SND1: variants seen among roughly 807,000 people sequenced by gnomAD.
SND1 encodes the protein staphylococcal nuclease domain-containing protein 1.
In SND1, 38 loss-of-function variants were observed where a neutral mutation model predicts 121.7. The ratio of observed to expected loss-of-function variants is 0.31; its 90% CI spans 0.24 to 0.41. SND1 has a LOEUF of 0.41. Ranked by LOEUF, SND1 falls within the 10% of genes least tolerant of loss-of-function variation. The pLI, the probability that SND1 is intolerant of heterozygous loss-of-function variation, is 1.00. For missense variants in SND1, 868 were observed against 1,184.6 expected (o/e 0.73, Z 3.92); for synonymous variants, 401 against 447.4 (o/e 0.90, Z 1.31).
At chr7:127,939,004 G>GA (rs1234818098) in intron 15 of SND1, among the ~76,000 whole-genome samples, 9 of 152,012 alleles carry the variant, frequency 5.9e-5, no homozygotes, top group African/African-American at 2.2e-4. Context: ...TTGACATGAA[G>GA]AAAAAAATAT....
At chr7:127,845,528 C>T (rs116125162) in intron 12 of SND1, among the ~76,000 whole-genome samples, 179 of 152,306 alleles carry the variant, frequency 1.2e-3, no homozygotes, top group African/African-American at 4.0e-3. Flanking sequence ...AAAACTAGGA[C>T]ATATTTTGGT....
chr7:127,903,440 G>T (rs1584654632), intron 13 of SND1, among the ~76,000 whole-genome samples: 1 of 152,022 alleles, frequency 6.6e-6, no homozygotes, highest in South Asian at 2.1e-4. Flanking sequence ...TGAGAGAGAG[G>T]GTATGATTTT....
At chr7:127,881,492 T>C (rs1046989770) in intron 12 of SND1, among the ~76,000 whole-genome samples, 4 of 152,172 alleles carry the variant, frequency 2.6e-5, no homozygotes, top group African/African-American at 9.7e-5. Flanking sequence ...AAGTTAGCTC[T>C]ACTTATGGGC....
intron 12 of SND1, among the ~76,000 whole-genome samples, chr7:127,886,809 C>T (rs1361856413): frequency 7.2e-6 from 1 of 137,956 alleles, no homozygotes; most frequent in Non-Finnish European, 1.5e-5. Flanking sequence ...CATAGAGTGG[C>T]ATCTCTCATT....
At chr7:127,881,081 C>T (rs964028866) in intron 12 of SND1, among the ~76,000 whole-genome samples, 1 of 152,050 alleles carries the variant, frequency 6.6e-6, no homozygotes, top group African/African-American at 2.4e-5. Context: ...GAGGGATTAA[C>T]CTGGGAGACT....
rs147950493 is a variant in SND1 at position 127,916,870 on chromosome 7, CTG to C, written c.1527+12055_1527+12056del. Among the ~76,000 whole-genome samples the C allele has an allele frequency of 8.6e-3, 1,315 of 152,278 alleles. 17 individuals carry two copies. Among genetic ancestry groups the C allele is most frequent in the African/African-American group, 0.03 (1,252 of 41,560 alleles). On this transcript the variant is annotated intron_variant, in intron 14 of 23. Coordinates refer to ENST00000354725, the MANE Select transcript of SND1 (RefSeq NM_014390.4). Reference sequence around the variant, plus strand: ...TTCCCACCTGAGTTGTCAGCAGAAACTGTGTCTTATCTCTAGATCTGTAGTTT... The same window carrying C: ...TTCCCACCTGAGTTGTCAGCAGAAACTGTCTTATCTCTAGATCTGTAGTTT...
chr7:127,868,355 A>C (rs1045504339), intron 12 of SND1, among the ~76,000 whole-genome samples: 4 of 152,246 alleles, frequency 2.6e-5, no homozygotes, highest in Non-Finnish European at 5.9e-5. Flanking sequence ...ACTGCACTCC[A>C]GCCTGGGTGA....
intron 11 of SND1, among the ~76,000 whole-genome samples, chr7:127,842,766 C>T (rs1798987784): frequency 6.6e-6 from 1 of 152,124 alleles, no homozygotes; most frequent in South Asian, 2.1e-4. Flanking sequence ...AATTCTTCTA[C>T]CTGGGCCTTC....
chr7:127,777,298 C>T (rs1797637947), intron 10 of SND1, among the ~76,000 whole-genome samples: 1 of 152,128 alleles, frequency 6.6e-6, no homozygotes, highest in Admixed American at 6.5e-5. Flanking sequence ...TTTCCTAACT[C>T]TTGTAAAACT....
At chr7:127,680,079 C>T (rs748244234) in intron 1 of SND1, among the ~76,000 whole-genome samples, 3 of 152,066 alleles carry the variant, frequency 2.0e-5, no homozygotes, top group South Asian at 2.1e-4. Flanking sequence ...CCGGGGGAGA[C>T]GTCACATGTC....
chr7:128,028,983 C>G lies in SND1; in HGVS notation c.1779+37927C>G, dbSNP rs773227394. On this transcript the variant is annotated intron_variant, in intron 16 of 23. Coordinates refer to ENST00000354725, the MANE Select transcript of SND1 (RefSeq NM_014390.4). ...TGTGACTGTACTCCGCTGCTGGTGCCGCTTACGAAGTTTATAGAAGACAAT... is the reference window on the plus strand; with the variant it reads ...TGTGACTGTACTCCGCTGCTGGTGCGGCTTACGAAGTTTATAGAAGACAAT... The G allele has an allele frequency of 1.9e-6, 3 of 1,611,048 alleles. No homozygotes were observed. In the Admixed American group the frequency reaches 5.0e-5, roughly 27 times the overall value.
chr7:127,859,258 C>A (rs1461067370), intron 12 of SND1, among the ~76,000 whole-genome samples: 3 of 152,110 alleles, frequency 2.0e-5, no homozygotes, highest in African/African-American at 7.2e-5. Context: ...AGAGAGCCAC[C>A]CTTCCCCACC....
At chr7:127,908,871 A>T (rs1352798317) in intron 14 of SND1, among the ~76,000 whole-genome samples, 1 of 152,150 alleles carries the variant, frequency 6.6e-6, no homozygotes, top group African/African-American at 2.4e-5. Context: ...TACAGAGTGT[A>T]AAACAGGCAA....
At chr7:127,719,988 G>A (rs1036441920) in intron 9 of SND1, among the ~76,000 whole-genome samples, 5 of 152,036 alleles carry the variant, frequency 3.3e-5, no homozygotes, top group Admixed American at 1.3e-4. Flanking sequence ...CTTACTCTTC[G>A]GTGTGTGGTT....
chr7:127,659,332 A>G lies in SND1; in HGVS notation c.78+6881A>G, dbSNP rs1419210689. Among the ~76,000 whole-genome samples the G allele has an allele frequency of 2.6e-5, 4 of 152,372 alleles. No individual in the cohort carries two copies. The East Asian group carries it at 5.8e-4, about 22-fold the overall frequency. On this transcript the variant is annotated intron_variant, in intron 1 of 23. Transcript: ENST00000354725. Reference sequence around the variant, plus strand: ...CTTTTTCTTCACTCTAATGTTTAAGAAAAAAATGAACAGTGGTTTCAGTTG... The same window carrying G: ...CTTTTTCTTCACTCTAATGTTTAAGGAAAAAATGAACAGTGGTTTCAGTTG...
chr7:128,004,777 A>G (rs1462498633), intron 16 of SND1, among the ~76,000 whole-genome samples: 1 of 152,198 alleles, frequency 6.6e-6, no homozygotes, highest in African/African-American at 2.4e-5. Flanking sequence ...GGTTGTCTGC[A>G]TAAGGCCGTA....
chr7:127,918,055 C>CTTTTTTTTTT (rs11375840), intron 14 of SND1, among the ~76,000 whole-genome samples: 4 of 142,416 alleles, frequency 2.8e-5, no homozygotes, highest in African/African-American at 5.2e-5. Flanking sequence ...TAGATTTTTT[C>CTTTTTTTTTT]TTTTTTTTTT....
intron 17 of SND1, among the ~76,000 whole-genome samples, chr7:128,077,602 C>G (rs322831): frequency 0.38 from 57,436 of 152,192 alleles, 11,272 homozygotes; most frequent in African/African-American, 0.45. Flanking sequence ...GGGCAGAGCT[C>G]CACCCTGGCC....
intron 9 of SND1, among the ~76,000 whole-genome samples, chr7:127,717,604 A>G (rs1301397689): frequency 1.3e-5 from 2 of 152,194 alleles, no homozygotes; most frequent in Non-Finnish European, 2.9e-5. Context: ...CATAGCATAC[A>G]ACCTTAGGGA....
Sources: gnomAD v4.1 joint callset for allele counts (sites outside exome capture counted in the v4.1 genomes callset) on GRCh38, gnomAD v4.1.1 for gene constraint, MANE v1.5 for transcripts, NCBI Gene and HGNC (gene_info 2026-07-23, HGNC 2026-07-21) for gene names.